The following BPI variants were observed in gnomAD, a reference collection of about 807,000 sequenced individuals.
BPI encodes bactericidal permeability-increasing protein.
A neutral mutation model predicts 57.6 loss-of-function variants in BPI; 48 were observed. That is an observed-to-expected ratio of 0.83 (90% CI 0.66 to 1.06). BPI has a LOEUF of 1.06. Ranked by LOEUF, BPI falls within the 50% of genes least tolerant of loss-of-function variation. The pLI, the probability that BPI is intolerant of heterozygous loss-of-function variation, is 0.00. For synonymous variants in BPI, 237 were observed against 238.2 expected, an observed-to-expected ratio of 0.99 and a Z score of 0.05; for missense variants, 651 against 609.7, an observed-to-expected ratio of 1.07 and a Z score of -0.71.
At chr20:38,306,572 G>A (rs930175858) in intron 1 of BPI, among the ~76,000 whole-genome samples, 1 of 152,174 alleles carries the variant, frequency 6.6e-6, no homozygotes, top group Non-Finnish European at 1.5e-5. Flanking sequence ...ACTAAGCCAG[G>A]GAGGGTTCCC....
rs772370916 is a variant in BPI at position 38,318,419 on chromosome 20, G to A, written c.607G>A (p.Glu203Lys). Residue 203 changes from glutamate (E) to lysine (K), a missense_variant, in exon 6 of 15, where the codon GAG becomes AAG. Physicochemically the swap from Glu to Lys is moderately conservative, Grantham distance 56 (BLOSUM62 1). Transcript: ENST00000642449. ...CTTGTTTGGTTCTCCCCAGGTCTGCGAGAAAGTGACCAATTCTGTATCCTC... is the reference window on the plus strand; with the variant it reads ...CTTGTTTGGTTCTCCCCAGGTCTGCAAGAAAGTGACCAATTCTGTATCCTC... ...LRNKMNSQVC[E>K]KVTNSVSSEL... 21 of 1,613,502 alleles carry A rather than the reference G, an allele frequency of 1.3e-5. No individual in the cohort carries two copies. The highest frequency in any genetic ancestry group is 1.1e-4 in the East Asian group (5 of 44,884).
chr20:38,318,968 G>C (rs1378104091), intron 6 of BPI, among the ~76,000 whole-genome samples: 1 of 152,198 alleles, frequency 6.6e-6, no homozygotes, highest in East Asian at 1.9e-4. Context: ...CCTGGCCGGG[G>C]TCACACCTGT....
intron 5 of BPI, chr20:38,318,113 A>G: frequency 4.4e-6 from 4 of 898,988 alleles, no homozygotes; most frequent in Non-Finnish European, 5.3e-6. Context: ...ACAAAACAAC[A>G]ACAGCAACAA....
rs373213999 is a variant in BPI at position 38,327,608 on chromosome 20, G to A, written c.1182G>A (p.Glu394=). Residue 394 remains glutamate (E), a synonymous_variant, in exon 11 of 15, where the codon GAG becomes GAA. Coordinates refer to ENST00000642449, the MANE Select transcript of BPI (RefSeq NM_001725.3). ...LIGMHTTGSM[E]VSAESNRLVG... is the part of the protein sequence containing the mutation. The stretch of plus-strand genomic sequence containing the variant: ...GGCAGCACACAACTGGTTCCATGGA[G>A]GTCAGCGCCGAGTCCAACAGGCTTG... 184 of 1,613,550 alleles carry A rather than the reference G, an allele frequency of 1.1e-4. No homozygotes were observed. The highest frequency in any genetic ancestry group is 8.6e-4 in the Middle Eastern group (5 of 5,808).
Position 38,326,345 on chromosome 20 carries a change from C to A in BPI, c.1074C>A (p.Thr358=). ...CGCCACACCTGTCTGTGCAGCCCAC[C>A]GGCCTTACCTTCTACCCTGCCGTGG... ...STPPHLSVQP[T]GLTFYPAVDV... Residue 358 remains threonine, a synonymous_variant, in exon 10 of 15, where the codon ACC becomes ACA. Transcript: ENST00000642449. The A allele has an allele frequency of 6.2e-7, 1 of 1,614,158 alleles. No individual in the cohort carries two copies. Among genetic ancestry groups the A allele is most frequent in the Non-Finnish European group, 8.5e-7 (1 of 1,180,016 alleles).
At chr20:38,335,268 A>G (rs2076761792) in intron 13 of BPI, among the ~76,000 whole-genome samples, 1 of 151,966 alleles carries the variant, frequency 6.6e-6, no homozygotes, top group Admixed American at 6.5e-5. Context: ...ATGCATAAAT[A>G]CCCCTATTAC....
intron 5 of BPI, among the ~76,000 whole-genome samples, chr20:38,312,557 A>G (rs529649951): frequency 6.6e-6 from 1 of 152,326 alleles, no homozygotes; most frequent in Admixed American, 6.5e-5. Flanking sequence ...TCAAAAAGCA[A>G]AGAGTTTTGC....
At chr20:38,312,004 C>G (rs533494840) in intron 5 of BPI, 67 bp downstream of exon 5, 672 of 1,488,792 alleles carry the variant, frequency 4.5e-4, no homozygotes, top group Non-Finnish European at 6.0e-4. Flanking sequence ...CACACCTCCC[C>G]CTTCTACGGA....
chr20:38,307,738 A>C, intron 2 of BPI, 57 bp downstream of exon 2: 1 of 1,387,084 alleles, frequency 7.2e-7, no homozygotes, highest in Non-Finnish European at 1.0e-6. Flanking sequence ...TTCTGGGGAC[A>C]CCAAGAGCTA....
intron 7 of BPI, among the ~76,000 whole-genome samples, chr20:38,320,583 C>T (rs1341498427): frequency 2.0e-5 from 3 of 151,514 alleles, no homozygotes; most frequent in Non-Finnish European, 2.9e-5. Flanking sequence ...CAAATATTCC[C>T]TCCCTAGAGA....
chr20:38,334,578 C>G, intron 13 of BPI, 85 bp downstream of exon 13: 7 of 1,368,384 alleles, frequency 5.1e-6, no homozygotes, highest in Non-Finnish European at 6.3e-6. Flanking sequence ...GTTACCTGGC[C>G]CCAGGTATGA....
rs541500362 is a variant in BPI, at chr20:38,306,886, G to GAA, written c.131-675_131-674dup. Among the ~76,000 whole-genome samples the GAA allele has an allele frequency of 9.7e-3, 1,473 of 152,064 alleles. 13 individuals are homozygous for GAA. Among genetic ancestry groups the GAA allele is most frequent in the Middle Eastern group, 0.017 (5 of 294 alleles). On this transcript the variant is annotated intron_variant, in intron 1 of 14. Transcript: ENST00000642449. ...TGGCCTTAATGTCTTTAAATGATGG[G>GAA]AAAAAAATCAAAAGGGCCGGTCATG...
At chr20:38,320,136 G>A (rs370449427) in intron 6 of BPI, 47 bp from the exon 7 acceptor site, 91 of 1,475,994 alleles carry the variant, frequency 6.2e-5, no homozygotes, top group Non-Finnish European at 6.9e-5. Flanking sequence ...AGCTTCCAGC[G>A]ATGCTGCCGT....
Position 38,322,069 on chromosome 20 carries a change from C to G in BPI, c.756+1795C>G, listed in dbSNP as rs1030123328. Among the ~76,000 whole-genome samples the G allele has an allele frequency of 1.2e-4, 19 of 152,214 alleles. 1 individual carries two copies. The highest frequency in any genetic ancestry group is 2.2e-4 in the Non-Finnish European group (15 of 68,036). On this transcript the variant is annotated intron_variant, in intron 7 of 14. Transcript: ENST00000642449. ...AACTCAACACGTATCATAGGAACATCTTTGCCATCCATGAAATGTCCTCTT... is the reference window on the plus strand; with the variant it reads ...AACTCAACACGTATCATAGGAACATGTTTGCCATCCATGAAATGTCCTCTT...
intron 12 of BPI, 56 bp downstream of exon 12, chr20:38,331,146 G>A: frequency 3.8e-6 from 6 of 1,568,344 alleles, no homozygotes; most frequent in Non-Finnish European, 5.3e-6. Flanking sequence ...GGCGGGGAGG[G>A]GGACATGTCA....
At chr20:38,318,653 T>A (rs757189809) in intron 6 of BPI, among the ~76,000 whole-genome samples, 177 bp downstream of exon 6, 19 of 151,988 alleles carry the variant, frequency 1.3e-4, no homozygotes, top group Admixed American at 6.6e-5. Flanking sequence ...GTCCTTGTGC[T>A]AGGTCCAGAA....
intron 5 of BPI, chr20:38,317,525 C>T: frequency 1.6e-6 from 1 of 633,252 alleles, no homozygotes; most frequent in Non-Finnish European, 2.9e-6. Context: ...ATGGTCTCTC[C>T]ACAGGGCTTG....
chr20:38,323,123 G>A (rs2076695008), intron 7 of BPI, among the ~76,000 whole-genome samples: 1 of 152,040 alleles, frequency 6.6e-6, no homozygotes, highest in African/African-American at 2.4e-5. Flanking sequence ...GCCCCCTTGG[G>A]TGCCTCTCCC....
Position 38,309,930 on chromosome 20 carries a change from C to G in BPI, c.375-561C>G, listed in dbSNP as rs535068885. On this transcript the variant is annotated intron_variant, in intron 3 of 14. Transcript: ENST00000642449. ...ACAAGAACTGCTGGATGTGTCTCCTCCCCACAATAAGAATCACTTAACTCT... is the reference window on the plus strand; with the variant it reads ...ACAAGAACTGCTGGATGTGTCTCCTGCCCACAATAAGAATCACTTAACTCT... Among the ~76,000 whole-genome samples the G allele has an allele frequency of 2.6e-5, 4 of 152,260 alleles. No individual in the cohort carries two copies. In the East Asian group the frequency reaches 5.8e-4, roughly 22 times the overall value.
Sources: gnomAD v4.1 joint callset for allele counts (sites outside exome capture counted in the v4.1 genomes callset) on GRCh38, gnomAD v4.1.1 for gene constraint, MANE v1.5 for transcripts, NCBI Gene and HGNC (gene_info 2026-07-23, HGNC 2026-07-21) for gene names.